Variants in CELF2 observed in about 807,000 individuals in gnomAD.
CELF2 encodes the protein CUG triplet repeat RNA-binding protein 2.
Under a neutral mutation model 62.6 loss-of-function variants are expected in CELF2, and 8 were observed. The observed-to-expected ratio is 0.13, with a 90% CI of 0.07 to 0.23. The LOEUF (loss-of-function observed/expected upper bound fraction) is 0.23. CELF2 is among the 10% of genes least tolerant of loss of function. The pLI is 1.00. For synonymous variants in CELF2, 258 were observed against 250.0 expected, an observed-to-expected ratio of 1.03 and a Z score of -0.30; for missense variants, 333 against 671.0, an observed-to-expected ratio of 0.50 and a Z score of 5.56.
chr10:11,175,097 T>C (rs752916169), intron 2 of CELF2, among the ~76,000 whole-genome samples: 48 of 152,048 alleles, frequency 3.2e-4, no homozygotes, highest in Non-Finnish European at 6.8e-4. Context: ...TTCCCAGTGA[T>C]GCACCAGACA....
At chr10:11,170,255 C>T (rs938480528) in intron 2 of CELF2, among the ~76,000 whole-genome samples, 1 of 152,132 alleles carries the variant, frequency 6.6e-6, no homozygotes, top group Non-Finnish European at 1.5e-5. Context: ...GAGGGGCATT[C>T]AGGAAGGAGT....
At chr10:10,762,678 C>G in the CELF2 span, among the ~76,000 whole-genome samples, 3 of 152,110 alleles carry the variant, frequency 2.0e-5, no homozygotes, top group African/African-American at 7.2e-5. Flanking sequence ...TGCCAGTGGG[C>G]TTTAATATGA....
At chr10:11,263,451 C>A (rs1411384839) in intron 5 of CELF2, among the ~76,000 whole-genome samples, 1 of 152,126 alleles carries the variant, frequency 6.6e-6, no homozygotes, top group African/African-American at 2.4e-5. Context: ...ATTTTCCCCC[C>A]AGCCTTGTTT....
intron 1 of CELF2, among the ~76,000 whole-genome samples, chr10:10,843,340 A>G (rs1342121831): frequency 6.6e-6 from 1 of 152,020 alleles, no homozygotes; most frequent in East Asian, 1.9e-4. Context: ...TACATGTATC[A>G]GGTTGAAATT....
chr10:10,479,510 C>T, the CELF2 span, among the ~76,000 whole-genome samples: 3 of 152,200 alleles, frequency 2.0e-5, no homozygotes, highest in African/African-American at 2.4e-5. Flanking sequence ...ATGATGGAAA[C>T]GCGATAAGTA....
At chr10:11,116,411 T>C (rs185293105) in intron 1 of CELF2, among the ~76,000 whole-genome samples, 1 of 152,326 alleles carries the variant, frequency 6.6e-6, no homozygotes, top group African/African-American at 2.4e-5. Context: ...CACACTTACA[T>C]GTAGGAGAAG....
chr10:10,870,341 T>G (rs1405033289), intron 1 of CELF2, among the ~76,000 whole-genome samples: 1 of 152,192 alleles, frequency 6.6e-6, no homozygotes, highest in Non-Finnish European at 1.5e-5. Context: ...TCGGGGTATA[T>G]ATATTTAAGT....
At chr10:11,061,986 A>AT (rs2066864790) in intron 1 of CELF2, among the ~76,000 whole-genome samples, 1 of 152,126 alleles carries the variant, frequency 6.6e-6, no homozygotes, top group Non-Finnish European at 1.5e-5. Flanking sequence ...GTAATTTTGT[A>AT]TTTTTAGTAG....
chr10:11,211,208 G>A lies in CELF2; in HGVS notation c.272-6217G>A, dbSNP rs2061695974. 1.3e-5 allele frequency among the ~76,000 whole-genome samples: 2 copies of A among 152,214 alleles called. No individual in the cohort carries two copies. Among genetic ancestry groups the A allele is most frequent in the Non-Finnish European group, 2.9e-5 (2 of 68,034 alleles). On this transcript the variant is annotated intron_variant, in intron 2 of 12. Coordinates refer to ENST00000633077, the MANE Select transcript of CELF2 (RefSeq NM_001326342.2). The surrounding 1 kb of genome is among the most constrained non-coding windows in gnomAD (Gnocchi z 4.8). ...TGGAGAAGATGACTTTAGCTCAGGA[G>A]TTCGAAGTTAAAGTGAACTATGATT... is the stretch of plus-strand genomic sequence containing the variant.
Position 11,269,632 on chromosome 10 carries a change from T to C in CELF2, c.619-1034T>C, listed in dbSNP as rs1359145006. ...GAACAGCTTTAATTGTGATGAAACG[T>C]GTAGGCAAGCCACACAAAGGAGGAG... On this transcript the variant is annotated intron_variant, in intron 6 of 12. Coordinates refer to ENST00000633077, the MANE Select transcript of CELF2 (RefSeq NM_001326342.2). The surrounding 1 kb of genome is among the most constrained non-coding windows in gnomAD (Gnocchi z 4.4). Among the ~76,000 whole-genome samples, 3 of 152,178 alleles carry C rather than the reference T, an allele frequency of 2.0e-5. No individual in the cohort carries two copies.
chr10:10,954,319 C>G (rs1478309388), intron 2 of CELF2, among the ~76,000 whole-genome samples: 1 of 151,410 alleles, frequency 6.6e-6, no homozygotes, highest in African/African-American at 2.4e-5. Context: ...GATCTTGGCT[C>G]ACTGCACCCT....
chr10:10,732,517 C>CTCCTTTT, the CELF2 span, among the ~76,000 whole-genome samples: 1 of 142,262 alleles, frequency 7.0e-6, no homozygotes, highest in Non-Finnish European at 1.5e-5. Context: ...TGGACTCACT[C>CTCCTTTT]TCCTTTTTTT....
At chr10:10,855,289 C>G (rs764506843) in intron 1 of CELF2, among the ~76,000 whole-genome samples, 3 of 152,172 alleles carry the variant, frequency 2.0e-5, no homozygotes, top group Non-Finnish European at 4.4e-5. Flanking sequence ...TTCCCCTCTG[C>G]AAGTGTGATC....
the CELF2 span, among the ~76,000 whole-genome samples, chr10:10,763,496 G>A: frequency 6.6e-6 from 1 of 152,174 alleles, no homozygotes; most frequent in Non-Finnish European, 1.5e-5. Flanking sequence ...CAACTAAACA[G>A]CCCATTGATA....
chr10:10,788,843 T>G, the CELF2 span, among the ~76,000 whole-genome samples: 1 of 152,168 alleles, frequency 6.6e-6, no homozygotes, highest in Non-Finnish European at 1.5e-5. Context: ...AATGCGTTTT[T>G]GTCTGGGCTG....
rs559633716 is a variant in CELF2, at chr10:11,161,231, C to A, written c.75-4255C>A. On this transcript the variant is annotated intron_variant, in intron 1 of 12. Coordinates refer to ENST00000633077, the MANE Select transcript of CELF2 (RefSeq NM_001326342.2). ...CACTGAGAATACTATTGCCCACTGGCGTAGTGCTTGCAGACTTGCGGTCTT... is the reference window on the plus strand; with the variant it reads ...CACTGAGAATACTATTGCCCACTGGAGTAGTGCTTGCAGACTTGCGGTCTT... Among the ~76,000 whole-genome samples, 8 of 152,350 alleles carry A rather than the reference C, an allele frequency of 5.3e-5. No individual in the cohort carries two copies. The South Asian group carries it at 1.4e-3, about 28-fold the overall frequency.
chr10:10,687,821 A>G, the CELF2 span, among the ~76,000 whole-genome samples: 1 of 152,300 alleles, frequency 6.6e-6, no homozygotes, highest in East Asian at 1.9e-4. Context: ...TCTCCTACCC[A>G]CTGTCAATTT....
upstream of CELF2, among the ~76,000 whole-genome samples, chr10:11,002,140 G>A (rs114336789): frequency 0.012 from 1,758 of 152,288 alleles, 27 homozygotes; most frequent in African/African-American, 0.037. The surrounding 1 kb of genome is among the most constrained non-coding windows in gnomAD (Gnocchi z 4.4). Context: ...CAATCATGGC[G>A]GAAGGCAAAA....
At chr10:10,524,054 G>T in the CELF2 span, among the ~76,000 whole-genome samples, 1 of 152,148 alleles carries the variant, frequency 6.6e-6, no homozygotes, top group African/African-American at 2.4e-5. Flanking sequence ...ACTAGAAGTT[G>T]TGCCCAGAGA....
Sources: gnomAD v4.1 joint callset for allele counts (sites outside exome capture counted in the v4.1 genomes callset) on GRCh38, gnomAD v4.1.1 for gene constraint, Gnocchi (gnomAD v3.1) non-coding constraint, MANE v1.5 for transcripts, NCBI Gene and HGNC (gene_info 2026-07-23, HGNC 2026-07-21) for gene names.